The following MCC variants were observed in gnomAD, a reference collection of about 807,000 sequenced individuals.
The protein encoded by MCC is MCC regulator of Wnt signaling pathway.
MCC carries 90 observed loss-of-function variants against 116.2 expected under a neutral mutation model. The observed-to-expected ratio is 0.77, with a 90% CI of 0.65 to 0.92. MCC has a LOEUF of 0.92. Ranked by LOEUF, MCC falls within the 40% of genes least tolerant of loss-of-function variation. The pLI is 0.00. For synonymous variants in MCC, 578 were observed against 510.5 expected, an observed-to-expected ratio of 1.13 and a Z score of -1.78; for missense variants, 1,516 against 1,312.2, an observed-to-expected ratio of 1.16 and a Z score of -2.40.
intron 3 of MCC, among the ~76,000 whole-genome samples, chr5:113,265,680 A>G (rs958547726): frequency 1.3e-5 from 2 of 152,110 alleles, no homozygotes; most frequent in African/African-American, 4.8e-5. Flanking sequence ...GAACTTGAGC[A>G]TATCTCTTGA....
intron 2 of MCC, among the ~76,000 whole-genome samples, chr5:113,341,210 CTCTTTCTTTCTCTGTT>C (rs1561530837): frequency 6.6e-6 from 1 of 151,666 alleles, no homozygotes; most frequent in Non-Finnish European, 1.5e-5. Context: ...CTCTCTGTCT[CTCTTTCTTTCTCTGTT>C]TCTTTCTTTC....
At chr5:113,094,698 G>A (rs573217018) in intron 8 of MCC, among the ~76,000 whole-genome samples, 22 of 152,310 alleles carry the variant, frequency 1.4e-4, no homozygotes, top group African/African-American at 5.1e-4. Context: ...GGGATTACAG[G>A]CATGAGCCAC....
intron 1 of MCC, among the ~76,000 whole-genome samples, chr5:113,462,401 C>T (rs1436793959): frequency 6.6e-6 from 1 of 152,232 alleles, no homozygotes; most frequent in Non-Finnish European, 1.5e-5. Flanking sequence ...CCTCAGGCTG[C>T]CATATTTTCC....
chr5:113,141,500 G>A (rs1024799117), intron 5 of MCC, among the ~76,000 whole-genome samples: 3 of 152,158 alleles, frequency 2.0e-5, no homozygotes, highest in Non-Finnish European at 4.4e-5. Flanking sequence ...GAATAATTCA[G>A]AGGCCAAACC....
intron 3 of MCC, among the ~76,000 whole-genome samples, chr5:113,209,003 G>A (rs1763016367): frequency 1.3e-5 from 2 of 152,298 alleles, no homozygotes; most frequent in South Asian, 4.1e-4. Context: ...TCCAAGGATT[G>A]ATCCTAAAAC....
At chr5:113,108,331 TAAAAAAAAAAAAAAAAA>T (rs56780207) in intron 6 of MCC, among the ~76,000 whole-genome samples, 4 of 42,726 alleles carry the variant, frequency 9.4e-5, no homozygotes, top group African/African-American at 2.3e-4. Context: ...CACTCTATCT[TAAAAAAAAAAAAAAAAA>T]AAAAAAAAAA....
rs180816555 is a variant in MCC at position 113,102,709 on chromosome 5, A to T, written c.1192-764T>A. ...AGAAGTCATTCTGCTTACTCTTATA[A>T]ACTGTTCATTCACATTTACTGTCCT... On this transcript the variant is annotated intron_variant, in intron 7 of 18. Transcript: ENST00000408903. 3.3e-5 allele frequency among the ~76,000 whole-genome samples: 5 copies of T among 152,394 alleles called. No individual in the cohort carries two copies. In the East Asian group the frequency reaches 9.6e-4, roughly 29 times the overall value.
rs764246831 is a variant in MCC at position 113,488,436 on chromosome 5, G to A, written c.-22C>T. 40 of 1,397,446 alleles carry A rather than the reference G, an allele frequency of 2.9e-5. No individual in the cohort carries two copies. The African/African-American group carries it at 5.4e-4, about 19-fold the overall frequency. The allele number at this position is 1,397,446 out of a possible 1,614,324, so 86.6% of individuals were successfully genotyped here. The stretch of plus-strand genomic sequence containing the variant: ...TCATGCGCCCGCTCCCTACTTGGGA[G>A]GAGGAGTACGCGCGACCGCAGCTGG... On this transcript the variant is annotated 5_prime_UTR_variant, in exon 1 of 19. Transcript: ENST00000408903.
intron 3 of MCC, among the ~76,000 whole-genome samples, chr5:113,172,563 T>C (rs1026692353): frequency 6.6e-6 from 1 of 152,190 alleles, no homozygotes; most frequent in Non-Finnish European, 1.5e-5. Flanking sequence ...TCTTACACAC[T>C]TTGACATAAC....
At chr5:113,171,679 C>A (rs1318703405) in intron 3 of MCC, among the ~76,000 whole-genome samples, 1 of 152,132 alleles carries the variant, frequency 6.6e-6, no homozygotes, top group African/African-American at 2.4e-5. Context: ...CCTCTTTAAC[C>A]CAGAACATCT....
chr5:113,111,055 T>A (rs1266179079), intron 6 of MCC, among the ~76,000 whole-genome samples: 2 of 152,194 alleles, frequency 1.3e-5, no homozygotes, highest in African/African-American at 4.8e-5. Flanking sequence ...GCAATTTTCC[T>A]CAGTTGGCCT....
chr5:113,143,385 A>G (rs753213669), intron 4 of MCC, 25 bp from the exon 5 acceptor site: 2 of 1,612,880 alleles, frequency 1.2e-6, no homozygotes, highest in Non-Finnish European at 1.7e-6. Context: ...AAAGGACAGA[A>G]GTGCTGATGA....
rs138059877 is a variant in MCC at position 113,414,833 on chromosome 5, C to T, written c.171-29621G>A. On this transcript the variant is annotated intron_variant, in intron 1 of 18. Transcript: ENST00000408903. ...TATGATGTCAGTTGCTTATTTTGCC[C>T]GTTAGTTGATGCAGTTTCTTCCTAG... Among the ~76,000 whole-genome samples the T allele has an allele frequency of 3.3e-3, 500 of 152,220 alleles. 2 individuals are homozygous for T. The highest frequency in any genetic ancestry group is 0.011 in the African/African-American group (475 of 41,534).
At chr5:113,140,459 C>G (rs1759111279) in intron 5 of MCC, among the ~76,000 whole-genome samples, 7 of 152,156 alleles carry the variant, frequency 4.6e-5, no homozygotes, top group Admixed American at 4.6e-4. Context: ...CTTAAGAGAT[C>G]TGACGTGGCC....
At chr5:113,460,750 C>T (rs1771721194) in intron 1 of MCC, among the ~76,000 whole-genome samples, 1 of 152,172 alleles carries the variant, frequency 6.6e-6, no homozygotes, top group South Asian at 2.1e-4. Flanking sequence ...TAGCTTGTTG[C>T]CTTATATTTG....
intron 7 of MCC, 147 bp from the exon 8 acceptor site, chr5:113,102,092 C>T: frequency 1.3e-6 from 1 of 744,572 alleles, no homozygotes; most frequent in Non-Finnish European, 2.2e-6. Context: ...ACTACAGACA[C>T]CCCAAAGTTA....
intron 3 of MCC, among the ~76,000 whole-genome samples, chr5:113,220,354 C>T (rs922746092): frequency 1.2e-4 from 19 of 152,018 alleles, no homozygotes; most frequent in African/African-American, 1.7e-4. Flanking sequence ...CCACTGCGCC[C>T]GGCCAGCATG....
At chr5:113,270,131 C>T (rs1268863288) in intron 3 of MCC, among the ~76,000 whole-genome samples, 2 of 152,160 alleles carry the variant, frequency 1.3e-5, no homozygotes, top group Non-Finnish European at 1.5e-5. Flanking sequence ...CTAGATCTAA[C>T]TCTTTTACCA....
At chr5:113,471,766 A>AGGTGGAGCCTACAGT (rs1159717916) in intron 1 of MCC, among the ~76,000 whole-genome samples, 1 of 141,708 alleles carries the variant, frequency 7.1e-6, no homozygotes, top group East Asian at 2.2e-4. Flanking sequence ...CTGCCCCCAG[A>AGGTGGAGCCTACAGT]GAGGCAGGCA....
Sources: allele counts gnomAD v4.1 joint callset (sites outside exome capture counted in the v4.1 genomes callset), GRCh38; gene constraint gnomAD v4.1.1; transcripts MANE v1.5; gene names NCBI Gene and HGNC (gene_info 2026-07-23, HGNC 2026-07-21).